CDKL4: variants seen among roughly 807,000 people sequenced by gnomAD.
CDKL4 encodes cyclin-dependent kinase-like 4.
In CDKL4, 44 loss-of-function variants were observed where a neutral mutation model predicts 42.0. The observed-to-expected ratio is 1.05, with a 90% CI of 0.82 to 1.35. CDKL4 has a LOEUF of 1.35. CDKL4 is among the 40% of genes most tolerant of loss of function. The probability of loss-of-function intolerance (pLI) is 0.00; values close to 1 mark genes in which losing one functional copy is unlikely to be tolerated. For synonymous variants in CDKL4, 120 were observed against 121.6 expected (o/e 0.99, Z 0.09); for missense variants, 393 against 369.9 (o/e 1.06, Z -0.51).
At chr2:39,204,721 C>T (rs973225418) in intron 4 of CDKL4, 104 bp from the exon 5 acceptor site, 10 of 528,926 alleles carry the variant, frequency 1.9e-5, no homozygotes, top group Non-Finnish European at 3.2e-5. Flanking sequence ...GAGATAAAAA[C>T]AAATGTGGGC....
intron 5 of CDKL4, among the ~76,000 whole-genome samples, chr2:39,203,530 A>C (rs1483101106): frequency 2.6e-5 from 4 of 152,166 alleles, no homozygotes. Flanking sequence ...TCCTAAATTG[A>C]GGGTCATATA....
intron 9 of CDKL4, among the ~76,000 whole-genome samples, chr2:39,177,965 A>G (rs2148276348): frequency 6.6e-6 from 1 of 152,380 alleles, no homozygotes; most frequent in East Asian, 1.9e-4. Context: ...CTGGGATTAC[A>G]GGTGTGAGCC....
At chr2:39,176,479 G>C (rs1024307000) in intron 9 of CDKL4, among the ~76,000 whole-genome samples, 5 of 152,200 alleles carry the variant, frequency 3.3e-5, no homozygotes, top group African/African-American at 1.2e-4. Context: ...CTGTTGCCCA[G>C]GCTGGAGTGC....
the CDKL4 span, among the ~76,000 whole-genome samples, chr2:39,168,528 G>A: frequency 1.3e-5 from 2 of 152,016 alleles, no homozygotes; most frequent in East Asian, 1.9e-4. Flanking sequence ...CCAAGGTCAG[G>A]AGTTCAAGAC....
At chr2:39,190,734 C>T (rs558285990) in intron 5 of CDKL4, among the ~76,000 whole-genome samples, 206 of 152,152 alleles carry the variant, frequency 1.4e-3, no homozygotes, top group Non-Finnish European at 2.4e-3. Context: ...ACTGGGGTGG[C>T]GGGTGGTGTG....
chr2:39,191,977 C>A (rs1042511295), intron 5 of CDKL4, among the ~76,000 whole-genome samples: 1 of 152,188 alleles, frequency 6.6e-6, no homozygotes, highest in African/African-American at 2.4e-5. Context: ...CAGAAAGTAG[C>A]GGCTACAGCT....
chr2:39,224,828 A>C (rs1043947352), intron 3 of CDKL4, among the ~76,000 whole-genome samples: 12 of 152,096 alleles, frequency 7.9e-5, no homozygotes, highest in African/African-American at 2.7e-4. Context: ...TTTGATACAA[A>C]TGCTGTTAAT....
chr2:39,171,612 C>T (rs1470684335), downstream of CDKL4, among the ~76,000 whole-genome samples: 2 of 152,140 alleles, frequency 1.3e-5, no homozygotes, highest in Middle Eastern at 3.2e-3. Context: ...AGAGGTCTAA[C>T]GAAATGTCCT....
At chr2:39,216,062 G>C (rs965931514) in intron 3 of CDKL4, among the ~76,000 whole-genome samples, 2 of 152,186 alleles carry the variant, frequency 1.3e-5, no homozygotes, top group African/African-American at 4.8e-5. Flanking sequence ...CAGGTTGCTT[G>C]AGTTCAAATC....
At chr2:39,233,059 A>AAAG (rs1553394684) in intron 1 of CDKL4, among the ~76,000 whole-genome samples, 4 of 74,806 alleles carry the variant, frequency 5.3e-5, no homozygotes, top group Non-Finnish European at 1.1e-4. Context: ...AAAAAAAAAA[A>AAAG]AAAAGAAAGA....
chr2:39,218,827 C>G lies in CDKL4; in HGVS notation c.291-5355G>C, dbSNP rs1018270869. Among the ~76,000 whole-genome samples the G allele has an allele frequency of 2.6e-5, 4 of 152,182 alleles. No homozygotes were observed. The South Asian group carries it at 6.2e-4, about 24-fold the overall frequency. On this transcript the variant is annotated intron_variant, in intron 3 of 9. Coordinates refer to ENST00000451199, the Ensembl canonical transcript of CDKL4. ...TTAGACCATCGGCTTTCCTGGTTCT[C>G]TAGCTTGCAGATGGCAGATTGTGGA...
intron 1 of CDKL4, among the ~76,000 whole-genome samples, chr2:39,239,110 A>C (rs1679517694): frequency 6.6e-6 from 1 of 152,226 alleles, no homozygotes; most frequent in Non-Finnish European, 1.5e-5. Context: ...AGTCTTTTCA[A>C]CAAATGATAC....
intron 1 of CDKL4, among the ~76,000 whole-genome samples, chr2:39,243,081 C>A (rs1038846317): frequency 2.1e-5 from 3 of 141,184 alleles, no homozygotes; most frequent in Admixed American, 7.4e-5. Flanking sequence ...GCCACCGCCC[C>A]CAAGCCTGGG....
At chr2:39,190,218 T>A in intron 6 of CDKL4, 87 bp downstream of exon 6, 3 of 935,884 alleles carry the variant, frequency 3.2e-6, no homozygotes, top group East Asian at 2.8e-5. Context: ...TCTTGTTTTT[T>A]ATTTTTATTT....
At chr2:39,216,834 G>GAAGTAATTTCATAGGA (rs1274522655) in intron 3 of CDKL4, among the ~76,000 whole-genome samples, 1 of 152,168 alleles carries the variant, frequency 6.6e-6, no homozygotes, top group Non-Finnish European at 1.5e-5. Flanking sequence ...AATGGAGAAT[G>GAAGTAATTTCATAGGA]AAGTAATTTC....
chr2:39,178,781 A>G, intron 9 of CDKL4: 1 of 1,583,070 alleles, frequency 6.3e-7, no homozygotes, highest in African/African-American at 1.3e-5. Context: ...AAGATGGAAG[A>G]GTCAAGTTAC....
chr2:39,182,918 C>G (rs1347748790), intron 8 of CDKL4, among the ~76,000 whole-genome samples: 1 of 152,210 alleles, frequency 6.6e-6, no homozygotes, highest in African/African-American at 2.4e-5. Flanking sequence ...CCTGAGCAGT[C>G]CCTGCATAGG....
At chr2:39,237,911 C>T (rs1048844195) in intron 1 of CDKL4, among the ~76,000 whole-genome samples, 1 of 151,952 alleles carries the variant, frequency 6.6e-6, no homozygotes, top group Admixed American at 6.5e-5. Flanking sequence ...TATATAATGG[C>T]AACAAACAAT....
chr2:39,223,612 C>CTGTTCTT, intron 3 of CDKL4, among the ~76,000 whole-genome samples: 1 of 49,848 alleles, frequency 2.0e-5, no homozygotes, highest in African/African-American at 7.5e-5. Context: ...CTTCTGTCTT[C>CTGTTCTT]AAAAAAAAAA....
Sources: allele counts gnomAD v4.1 joint callset (sites outside exome capture counted in the v4.1 genomes callset), GRCh38; gene constraint gnomAD v4.1.1; transcripts MANE v1.5; gene names NCBI Gene and HGNC (gene_info 2026-07-23, HGNC 2026-07-21).